FOXP1: variants seen among roughly 807,000 people sequenced by gnomAD.
FOXP1 encodes the protein forkhead box protein P1.
FOXP1 carries 15 observed loss-of-function variants against 98.2 expected under a neutral mutation model. The ratio of observed to expected loss-of-function variants is 0.15; its 90% confidence interval spans 0.10 to 0.24. FOXP1 has a LOEUF of 0.24. FOXP1 is among the 10% of genes least tolerant of loss of function. The probability of loss-of-function intolerance (pLI) is 1.00; values close to 1 mark genes in which losing one functional copy is unlikely to be tolerated. For synonymous variants in FOXP1, 371 were observed against 314.5 expected (o/e 1.18, Z -1.90); for missense variants, 633 against 848.5 (o/e 0.75, Z 3.15).
rs370945958 is a variant in FOXP1, at chr3:71,210,863, T to C, written c.-11-12471A>G. The C allele has an allele frequency of 1.1e-4, 16 of 152,356 alleles. No individual in the cohort carries two copies. In the East Asian group the frequency reaches 2.3e-3, roughly 22 times the overall value. 9.4% of individuals were successfully genotyped at this position (152,356 alleles called of 1,614,324 possible). On this transcript the variant is annotated intron_variant, in intron 5 of 20. Coordinates refer to ENST00000649528, the MANE Select transcript of FOXP1 (RefSeq NM_001349338.3). ...AATGCTGATGATTCACTCTCTGCAC[T>C]TCAGCTCTTGTCCAGTTCTCCTGAG...
chr3:71,191,325 C>T (rs1432025323), intron 6 of FOXP1, among the ~76,000 whole-genome samples: 1 of 152,188 alleles, frequency 6.6e-6, no homozygotes, highest in African/African-American at 2.4e-5. Context: ...CAAAAACAGA[C>T]TTGTGAGTAG....
chr3:71,397,099 T>C lies in FOXP1; in HGVS notation c.-167-37855A>G, dbSNP rs201545572. Among the ~76,000 whole-genome samples the C allele has an allele frequency of 3.9e-3, 217 of 55,358 alleles. 10 individuals are homozygous for C. The highest frequency in any genetic ancestry group is 0.021 in the East Asian group (72 of 3,506). 36.3% of individuals were successfully genotyped at this position (55,358 alleles called of 152,430 possible). On this transcript the variant is annotated intron_variant, in intron 3 of 20. Transcript: ENST00000649528. ...ACATATATATGTGTATATATATATA[T>C]ACATATATATATATGTGTATATATA... is the stretch of plus-strand genomic sequence containing the variant.
At chr3:71,230,514 T>G (rs768215426) in intron 5 of FOXP1, among the ~76,000 whole-genome samples, 1 of 152,114 alleles carries the variant, frequency 6.6e-6, no homozygotes, top group Non-Finnish European at 1.5e-5. Flanking sequence ...CCTATGACAG[T>G]AAACAGATAG....
rs185824376 is a variant in FOXP1 at position 71,248,967 on chromosome 3, T to C, written c.-11-50575A>G. On this transcript the variant is annotated intron_variant, in intron 5 of 20. Transcript: ENST00000649528. ...AGGGTAGGAAGGAGAAAGAGCTGCA[T>C]TGGTCATTGAAACAAGGCCAACACA... is the stretch of plus-strand genomic sequence containing the variant. 3.2e-4 allele frequency among the ~76,000 whole-genome samples: 49 copies of C among 152,234 alleles called. No homozygotes were observed. The South Asian group carries it at 4.2e-3, about 13-fold the overall frequency.
At chr3:71,073,229 G>A (rs1163213721) in intron 7 of FOXP1, among the ~76,000 whole-genome samples, 1 of 152,162 alleles carries the variant, frequency 6.6e-6, no homozygotes, top group Non-Finnish European at 1.5e-5. Context: ...TTTGAAATCA[G>A]GGCGCGCTGT....
chr3:71,097,825 C>T (rs769827957), intron 7 of FOXP1, among the ~76,000 whole-genome samples: 1 of 152,126 alleles, frequency 6.6e-6, no homozygotes, highest in Non-Finnish European at 1.5e-5. Flanking sequence ...TTCTAGAGTG[C>T]CACCTTTGAC....
chr3:71,370,981 A>G (rs2079272326), intron 3 of FOXP1, among the ~76,000 whole-genome samples: 1 of 151,538 alleles, frequency 6.6e-6, no homozygotes, highest in Non-Finnish European at 1.5e-5. Context: ...TTTTTAGTAG[A>G]CGCTAGGCTG....
In FOXP1 at chr3:71,076,120, T is replaced by C. The variant is rs75086449; in HGVS notation, c.283-22347A>G. ...CCTAATTTATGGAATCTTCGGCCTA[T>C]ATTTTTTCAATGTTTTGTTACTCAC... is the stretch of plus-strand genomic sequence containing the variant. On this transcript the variant is annotated intron_variant, in intron 7 of 20. Coordinates refer to ENST00000649528, the MANE Select transcript of FOXP1 (RefSeq NM_001349338.3). 2.9e-3 allele frequency among the ~76,000 whole-genome samples: 438 copies of C among 152,266 alleles called. 14 individuals carry two copies. The East Asian group carries it at 0.074, about 26-fold the overall frequency.
intron 2 of FOXP1, among the ~76,000 whole-genome samples, chr3:71,566,499 C>T (rs1228835505): frequency 6.6e-6 from 1 of 152,190 alleles, no homozygotes; most frequent in Non-Finnish European, 1.5e-5. Context: ...ACTAAAGTAT[C>T]ATTTCCAGTC....
At chr3:71,088,837 G>A (rs776267765) in intron 7 of FOXP1, among the ~76,000 whole-genome samples, 5 of 152,112 alleles carry the variant, frequency 3.3e-5, no homozygotes, top group Non-Finnish European at 7.3e-5. Context: ...GAAAGAAATC[G>A]AACTCACCAA....
intron 5 of FOXP1, among the ~76,000 whole-genome samples, chr3:71,286,397 T>G (rs2072143719): frequency 7.1e-6 from 1 of 140,508 alleles, no homozygotes; most frequent in African/African-American, 2.6e-5. Flanking sequence ...GCTTAATCAA[T>G]TAGTAACTAT....
chr3:70,996,182 C>T (rs1171897274), intron 13 of FOXP1, among the ~76,000 whole-genome samples: 1 of 152,136 alleles, frequency 6.6e-6, no homozygotes, highest in Admixed American at 6.5e-5. Context: ...GGGGTAATCT[C>T]CATGTTGGTC....
intron 12 of FOXP1, among the ~76,000 whole-genome samples, chr3:71,011,666 C>A (rs1214154798): frequency 6.6e-6 from 1 of 152,038 alleles, no homozygotes; most frequent in Non-Finnish European, 1.5e-5. Context: ...AACTTACAAA[C>A]AAAAGTCGTC....
chr3:71,392,807 G>A (rs2081126933), intron 3 of FOXP1, among the ~76,000 whole-genome samples: 1 of 152,080 alleles, frequency 6.6e-6, no homozygotes, highest in Admixed American at 6.5e-5. Flanking sequence ...TGGTATTTAA[G>A]ATTGTAAAGA....
At chr3:71,462,534 C>T (rs139291594) in intron 3 of FOXP1, among the ~76,000 whole-genome samples, 12 of 152,144 alleles carry the variant, frequency 7.9e-5, no homozygotes, top group Non-Finnish European at 1.3e-4. Flanking sequence ...CTCCAGTCGC[C>T]GTTCAACTTT....
rs1350219782 is a variant in FOXP1, at chr3:71,077,743, C to T, written c.283-23970G>A. On this transcript the variant is annotated intron_variant, in intron 7 of 20. Coordinates refer to ENST00000649528, the MANE Select transcript of FOXP1 (RefSeq NM_001349338.3). ...ATGAATTTATAAACAAATGAATAAA[C>T]CAACGAATGAATGTTTTCTATTTTC... Among the ~76,000 whole-genome samples the T allele has an allele frequency of 3.3e-5, 5 of 152,270 alleles. No individual in the cohort carries two copies. The East Asian group carries it at 7.7e-4, about 23-fold the overall frequency.
chr3:71,573,332 A>G (rs1451727267), intron 2 of FOXP1, among the ~76,000 whole-genome samples: 1 of 152,102 alleles, frequency 6.6e-6, no homozygotes, highest in African/African-American at 2.4e-5. Flanking sequence ...CGCCAGGTGG[A>G]GAGTCCCTCC....
At chr3:71,361,672 C>G (rs951069325) in intron 3 of FOXP1, among the ~76,000 whole-genome samples, 1 of 152,174 alleles carries the variant, frequency 6.6e-6, no homozygotes, top group East Asian at 1.9e-4. Flanking sequence ...TGACCATTCT[C>G]CAAGACAGGG....
At chr3:71,289,019 C>CTTAT (rs55803418) in intron 5 of FOXP1, among the ~76,000 whole-genome samples, 4,734 of 148,762 alleles carry the variant, frequency 0.032, 177 homozygotes, top group African/African-American at 0.077. Flanking sequence ...CAACTCTCTT[C>CTTAT]TTATTTATTT....
Sources: allele counts gnomAD v4.1 joint callset (sites outside exome capture counted in the v4.1 genomes callset), GRCh38; gene constraint gnomAD v4.1.1; transcripts MANE v1.5; gene names NCBI Gene and HGNC (gene_info 2026-07-23, HGNC 2026-07-21).